Variants in MAPKBP1 observed in about 807,000 individuals in gnomAD.
The protein encoded by MAPKBP1 is mitogen-activated protein kinase binding protein 1.
A neutral mutation model predicts 170.5 loss-of-function variants in MAPKBP1; 71 were observed. The observed-to-expected ratio is 0.42, with a 90% confidence interval of 0.34 to 0.51. The LOEUF (loss-of-function observed/expected upper bound fraction) is 0.51. MAPKBP1 is among the 20% of genes least tolerant of loss of function. The pLI is 0.06. For missense variants in MAPKBP1, 1,598 were observed against 1,933.0 expected (o/e 0.83, Z 3.25); for synonymous variants, 719 against 757.9 (o/e 0.95, Z 0.84).
In MAPKBP1 at chr15:41,817,638, C is replaced by T; in HGVS notation, c.1807C>T (p.Arg603Trp). Residue 603 changes from arginine to tryptophan, a missense_variant, in exon 16 of 31, where the codon CGG becomes TGG. Transcript: ENST00000457542. This position sits in a 1 kb window ranked among gnomAD's most constrained non-coding sequence, Gnocchi z 4.2. ...GTCTGGAGATGGAGTGCAGTTCACA[C>T]GGACACACCACGTGGTGCGGAAGAC... is the stretch of plus-strand genomic sequence containing the variant. Reference protein sequence around the residue: ...QKSGDGVQFTRTHHVVRKTTL... With the variant: ...QKSGDGVQFTWTHHVVRKTTL... 1 of 1,614,204 alleles carries T rather than the reference C, an allele frequency of 6.2e-7. No homozygotes were observed. The highest frequency in any genetic ancestry group is 8.5e-7 in the Non-Finnish European group (1 of 1,180,030).
chr15:41,781,398 T>G (rs908725255), intron 2 of MAPKBP1, among the ~76,000 whole-genome samples: 1 of 64,664 alleles, frequency 1.5e-5, no homozygotes, highest in Non-Finnish European at 3.8e-5. Flanking sequence ...TGGGTTTTTT[T>G]GTTTTTTTTT....
chr15:41,823,188 G>A lies in MAPKBP1; in HGVS notation c.3564G>A (p.Gln1188=). ...CAGCCAGCCCCTTTTCTGGACTCCA[G>A]AAGGCCCAGTCTGTGCACAGTCTGG... is the stretch of plus-strand genomic sequence containing the variant. ...VATASPFSGL[Q]KAQSVHSLVP... The change falls in exon 28 of 31, where the codon CAG becomes CAA. Residue 1188 remains glutamine, a synonymous_variant. Coordinates refer to ENST00000457542, the MANE Select transcript of MAPKBP1 (RefSeq NM_014994.3). The A allele has an allele frequency of 6.2e-7, 1 of 1,613,694 alleles. No individual in the cohort carries two copies. The highest frequency in any genetic ancestry group is 8.5e-7 in the Non-Finnish European group (1 of 1,180,028).
chr15:41,780,325 T>G (rs148924182), intron 2 of MAPKBP1, among the ~76,000 whole-genome samples: 97 of 152,316 alleles, frequency 6.4e-4, no homozygotes, highest in Middle Eastern at 3.4e-3. Flanking sequence ...CAGCCTGACA[T>G]CTGTAACCTC....
intron 2 of MAPKBP1, among the ~76,000 whole-genome samples, chr15:41,783,947 T>C (rs2064234838): frequency 6.6e-6 from 1 of 152,028 alleles, no homozygotes. Context: ...AGGCAGAGCT[T>C]ACAGTGAGCC....
chr15:41,786,778 AT>A (rs1257538608), intron 2 of MAPKBP1, among the ~76,000 whole-genome samples: 913 of 29,430 alleles, frequency 0.031, 52 homozygotes, highest in South Asian at 0.11. Flanking sequence ...AAAAAAAAAA[AT>A]ATATATATAT....
Position 41,823,827 on chromosome 15 carries a change from G to A in MAPKBP1, c.3979G>A (p.Gly1327Ser). Residue 1327 changes from glycine (G) to serine (S), a missense_variant, in exon 29 of 31, where the codon GGC (glycine) becomes AGC (serine). By Grantham distance (56) the Gly-to-Ser change is moderately conservative. This residue lies in a region of MAPKBP1 where 942 missense variants were observed against 953.2 expected (regional missense o/e 0.99). Coordinates refer to ENST00000457542, the MANE Select transcript of MAPKBP1 (RefSeq NM_014994.3). ...GGCAGAAAAGCCTGGCTTCCCGGTG[G>A]GCCTAGGAAAAGCTCACAGTACAAC... ...GEAEKPGFPV[G>S]LGKAHSTTER... is the part of the protein sequence containing the mutation. 6.2e-7 allele frequency: 1 copy of A among 1,614,180 alleles called. No homozygotes were observed. The highest frequency in any genetic ancestry group is 8.5e-7 in the Non-Finnish European group (1 of 1,180,028).
chr15:41,821,793 C>T, intron 24 of MAPKBP1, 43 bp downstream of exon 24: 1 of 1,605,772 alleles, frequency 6.2e-7, no homozygotes, highest in Non-Finnish European at 8.5e-7. Flanking sequence ...CCCGTCTTCC[C>T]CTCCCTATGA....
Position 41,815,711 on chromosome 15 carries a change from C to T in MAPKBP1, c.1405C>T (p.Leu469=), listed in dbSNP as rs760026127. The T allele has an allele frequency of 4.3e-6, 7 of 1,614,090 alleles. No individual in the cohort carries two copies. Among genetic ancestry groups the T allele is most frequent in the Admixed American group, 1.7e-5 (1 of 60,000 alleles). Residue 469 remains leucine (L), a synonymous_variant, in exon 12 of 31, where the codon CTG becomes TTG. Coordinates refer to ENST00000457542, the MANE Select transcript of MAPKBP1 (RefSeq NM_014994.3). The part of the protein sequence containing the change: ...LPGGDKADAS[L]LDPRVGIRSV... ...TGGAGGAGACAAAGCTGATGCATCC[C>T]TGTTGGATCCCCGCGTGGGCATCCG...
Position 41,802,812 on chromosome 15 carries a change from G to A in MAPKBP1, c.206+2898G>A, listed in dbSNP as rs923154291. On this transcript the variant is annotated intron_variant, in intron 3 of 30. Coordinates refer to ENST00000457542, the MANE Select transcript of MAPKBP1 (RefSeq NM_014994.3). ...TTTTTATCTTCTATAAGCTTTAAAT[G>A]TTGTTTTTAACTTTTTAAACTTTTT... Among the ~76,000 whole-genome samples the A allele has an allele frequency of 5.9e-5, 9 of 152,254 alleles. No individual in the cohort carries two copies. In the East Asian group the frequency reaches 1.7e-3, roughly 29 times the overall value.
chr15:41,817,469 T>C lies in MAPKBP1; in HGVS notation c.1782+11T>C. 1.0e-6 allele frequency: 1 copy of C among 974,478 alleles called. No homozygotes were observed. Among genetic ancestry groups the C allele is most frequent in the African/African-American group, 1.7e-5 (1 of 59,070 alleles). 60.4% of individuals were successfully genotyped at this position (974,478 alleles called of 1,614,324 possible). A position where few individuals can be genotyped will look rare whatever the true frequency, so the allele number is the denominator to read the frequency against. On this transcript the variant is annotated intron_variant, in intron 15 of 30. Transcript: ENST00000457542. This position sits in a 1 kb window ranked among gnomAD's most constrained non-coding sequence, Gnocchi z 4.2. ...CGCACTGCGCAGAAGGTGAGGGCGC[T>C]GGGCTTTCCTGAGAGGGGCGGGACA...
chr15:41,791,559 G>T (rs756946734), intron 2 of MAPKBP1, among the ~76,000 whole-genome samples: 4 of 152,226 alleles, frequency 2.6e-5, no homozygotes, highest in Non-Finnish European at 4.4e-5. Flanking sequence ...CAGATCCAGG[G>T]ACTTGAGAGA....
intron 2 of MAPKBP1, among the ~76,000 whole-genome samples, chr15:41,792,066 A>G (rs1222674614): frequency 1.3e-5 from 2 of 149,774 alleles, no homozygotes; most frequent in Admixed American, 6.7e-5. Flanking sequence ...AAAAAAAAAA[A>G]AGACTGCAAT....
At position 41,816,521 on chromosome 15, in the gene MAPKBP1, T is replaced by C. The variant is rs761122607; in HGVS notation, c.1494-38T>C. The C allele has an allele frequency of 2.0e-6, 3 of 1,470,712 alleles. No homozygotes were observed. In the African/African-American group the frequency reaches 4.2e-5, roughly 20 times the overall value. 91.1% of individuals were successfully genotyped at this position (1,470,712 alleles called of 1,614,324 possible). ...GGGGGCGTGAGTCCTTCCTGCGGCC[T>C]GGCCATGGCCTCTTCCCACCTCTCC... is the stretch of plus-strand genomic sequence containing the variant. On this transcript the variant is annotated intron_variant, in intron 12 of 30. Coordinates refer to ENST00000457542, the MANE Select transcript of MAPKBP1 (RefSeq NM_014994.3).
At position 41,819,554 on chromosome 15, in the gene MAPKBP1, G is replaced by C. The variant is rs761736444; in HGVS notation, c.2426-41G>C. ...GGCTCCAGGGTTGGGTGGCGGGGGG[G>C]GGGCAGGAGACACTTCCTCTGACTG... On this transcript the variant is annotated intron_variant, in intron 21 of 30. Transcript: ENST00000457542. 204 of 1,495,468 alleles carry C rather than the reference G, an allele frequency of 1.4e-4. 6 individuals are homozygous for C. The highest frequency in any genetic ancestry group is 1.0e-3 in the East Asian group (45 of 44,482). The allele number at this position is 1,495,468 out of a possible 1,614,324, so 92.6% of individuals were successfully genotyped here.
At chr15:41,792,515 A>AT (rs893739571) in intron 2 of MAPKBP1, among the ~76,000 whole-genome samples, 1 of 152,170 alleles carries the variant, frequency 6.6e-6, no homozygotes, top group African/African-American at 2.4e-5. Flanking sequence ...TCAAGGCTGC[A>AT]TTCTGGGTGT....
At position 41,818,457 on chromosome 15, in the gene MAPKBP1, A is replaced by C; in HGVS notation, c.2093-62A>C. 1 of 1,534,428 alleles carries C rather than the reference A, an allele frequency of 6.5e-7. No individual in the cohort carries two copies. The highest frequency in any genetic ancestry group is 9.0e-7 in the Non-Finnish European group (1 of 1,114,772). On this transcript the variant is annotated intron_variant, in intron 18 of 30. Coordinates refer to ENST00000457542, the MANE Select transcript of MAPKBP1 (RefSeq NM_014994.3). This position sits in a 1 kb window ranked among gnomAD's most constrained non-coding sequence, Gnocchi z 5.2. ...GCCAACCCCCGTGTCCACTGTTGGG[A>C]TGGAGAGGACTTGGTTGGGAATTTA... is the stretch of plus-strand genomic sequence containing the variant.
Position 41,795,856 on chromosome 15 carries a change from G to A in MAPKBP1, c.115-3967G>A, listed in dbSNP as rs1006032657. Among the ~76,000 whole-genome samples the A allele has an allele frequency of 3.3e-5, 5 of 152,214 alleles. No individual in the cohort carries two copies. In the South Asian group the frequency reaches 6.2e-4, roughly 19 times the overall value. On this transcript the variant is annotated intron_variant, in intron 2 of 30. Transcript: ENST00000457542. ...GATCTCCTGACCTCGTGATCCGCCC[G>A]TCTCGGCCTCCCAAAGTGCTGGGAT...
At chr15:41,781,714 A>G (rs2064192225) in intron 2 of MAPKBP1, among the ~76,000 whole-genome samples, 1 of 151,546 alleles carries the variant, frequency 6.6e-6, no homozygotes, top group South Asian at 2.1e-4. Flanking sequence ...TCTTAGAACA[A>G]CCCTTTGTGA....
chr15:41,790,645 G>C (rs1474779615), intron 2 of MAPKBP1, among the ~76,000 whole-genome samples: 1 of 151,612 alleles, frequency 6.6e-6, no homozygotes. Context: ...CCCTTTTTTT[G>C]TTTGTTTGTC....
Sources: gnomAD v4.1 joint callset for allele counts (sites outside exome capture counted in the v4.1 genomes callset) on GRCh38, gnomAD v4.1.1 for gene constraint, gnomAD v4.1.1 regional missense constraint, Gnocchi (gnomAD v3.1) non-coding constraint, MANE v1.5 for transcripts, NCBI Gene and HGNC (gene_info 2026-07-23, HGNC 2026-07-21) for gene names.